CLUH: variants seen among roughly 807,000 people sequenced by gnomAD.
CLUH encodes CLUH binding protein of NUMT mRNA, also known as clustered mitochondria protein homolog.
CLUH carries 77 observed loss-of-function variants against 139.3 expected under a neutral mutation model. That is an observed-to-expected ratio of 0.55 (90% confidence interval 0.46 to 0.67). The LOEUF (loss-of-function observed/expected upper bound fraction) is 0.67, where lower values mean the gene tolerates loss of function less well. CLUH is among the 30% of genes least tolerant of loss of function. The probability of loss-of-function intolerance (pLI) is 0.00; values close to 1 mark genes in which losing one functional copy is unlikely to be tolerated. For synonymous variants in CLUH, 999 were observed against 801.6 expected (o/e 1.25, Z -4.16); for missense variants, 1,876 against 1,875.8 (o/e 1.00, Z 0.00).
At chr17:2,710,850 G>A (rs1175924021) in intron 1 of CLUH, among the ~76,000 whole-genome samples, 6 of 152,366 alleles carry the variant, frequency 3.9e-5, no homozygotes, top group Admixed American at 3.3e-4. Flanking sequence ...CAATAAGGCA[G>A]GTTAATGATC....
chr17:2,695,294 G>A lies in CLUH; in HGVS notation c.2545-14C>T. 2 of 1,613,814 alleles carry A rather than the reference G, an allele frequency of 1.2e-6. No individual in the cohort carries two copies. Among genetic ancestry groups the A allele is most frequent in the South Asian group, 2.2e-5 (2 of 91,084 alleles). On this transcript the variant is annotated splice_polypyrimidine_tract_variant and intron_variant, in intron 14 of 25. Coordinates refer to ENST00000651024, the MANE Select transcript of CLUH (RefSeq NM_001366661.1). ...AATGCCGATTTTCTGGAAGGATTCA[G>A]AAGGGAGGTCTTGGTCAGGCCCCCG...
At chr17:2,691,920 GGCCCCCCCGTGCCCCCGCGGCCCC>G (rs1381683119) in intron 23 of CLUH, 25 bp from the exon 24 acceptor site, 7 of 1,374,410 alleles carry the variant, frequency 5.1e-6, no homozygotes, top group South Asian at 2.7e-5. Flanking sequence ...GAAGGGATCA[GGCCCCCCCGTGCCCCCGCGGCCCC>G]GCCCCCGCCC....
At position 2,697,974 on chromosome 17, in the gene CLUH, C is replaced by T. The variant is rs745452744; in HGVS notation, c.1883G>A (p.Arg628His). ...PGEELPEECA[R>H]AGFPRAHRHK... Reference sequence around the variant, plus strand: ...CCGGTGGGCGCGGGGGAAGCCGGCGCGGGCGCATTCCTCAGGCAGCTCCTC... The same window carrying T: ...CCGGTGGGCGCGGGGGAAGCCGGCGTGGGCGCATTCCTCAGGCAGCTCCTC... Residue 628 changes from arginine to histidine, a missense_variant, in exon 10 of 26, where the codon CGC becomes CAC. Physicochemically the swap from Arg to His is conservative, Grantham distance 29 (BLOSUM62 0). This residue lies in a region of CLUH where 1,454 missense variants were observed against 1,384.4 expected (regional missense o/e 1.05). Coordinates refer to ENST00000651024, the MANE Select transcript of CLUH (RefSeq NM_001366661.1). The T allele has an allele frequency of 9.5e-6, 15 of 1,580,260 alleles. No homozygotes were observed. The highest frequency in any genetic ancestry group is 1.1e-5 in the South Asian group (1 of 87,406).
intron 3 of CLUH, among the ~76,000 whole-genome samples, chr17:2,702,981 C>T (rs534092231): frequency 6.6e-6 from 1 of 152,306 alleles, no homozygotes; most frequent in East Asian, 1.9e-4. Flanking sequence ...CCTGCCACCA[C>T]GCGCAGCTAA....
intron 8 of CLUH, 62 bp from the exon 9 acceptor site, chr17:2,700,536 A>G (rs1329945683): frequency 2.6e-6 from 4 of 1,568,156 alleles, no homozygotes; most frequent in Non-Finnish European, 3.5e-6. Context: ...TGCTCCCGGA[A>G]GTCGCTCCTT....
In CLUH at chr17:2,696,512, G is replaced by A. The variant is rs763203980; in HGVS notation, c.2212C>T (p.Arg738Cys). Reference sequence around the variant, plus strand: ...GAGCCGACCGCCTTGCACGCGTTGCGGATCACCTCCCGGCTCCGAGGGTCT... The same window carrying A: ...GAGCCGACCGCCTTGCACGCGTTGCAGATCACCTCCCGGCTCCGAGGGTCT... ...TADPRSREVI[R>C]NACKAVGSIS... Residue 738 changes from arginine to cysteine, a missense_variant, in exon 12 of 26, where the codon CGC becomes TGC. Arg to Cys is a radical substitution (Grantham distance 180). Transcript: ENST00000651024. 3.7e-5 allele frequency: 58 copies of A among 1,583,922 alleles called. No homozygotes were observed. Among genetic ancestry groups the A allele is most frequent in the Admixed American group, 1.2e-4 (7 of 56,078 alleles).
rs754386008 is a variant in CLUH at position 2,691,929 on chromosome 17, GTGC to G, written c.3655-37_3655-35del. On this transcript the variant is annotated intron_variant, in intron 23 of 25. Coordinates refer to ENST00000651024, the MANE Select transcript of CLUH (RefSeq NM_001366661.1). Reference sequence around the variant, plus strand: ...AGGCGGGAAGGGATCAGGCCCCCCCGTGCCCCCGCGGCCCCGCCCCCGCCCCGC... The same window carrying G: ...AGGCGGGAAGGGATCAGGCCCCCCCGCCCCGCGGCCCCGCCCCCGCCCCGC... The G allele has an allele frequency of 4.9e-4, 540 of 1,104,170 alleles. 18 individuals are homozygous for G. In the South Asian group the frequency reaches 0.011, roughly 22 times the overall value. 68.4% of individuals were successfully genotyped at this position (1,104,170 alleles called of 1,614,324 possible). A position where few individuals can be genotyped will look rare whatever the true frequency, so the allele number is the denominator to read the frequency against.
At chr17:2,705,576 G>T (rs528221357) in intron 1 of CLUH, among the ~76,000 whole-genome samples, 29 of 152,192 alleles carry the variant, frequency 1.9e-4, no homozygotes, top group African/African-American at 6.7e-4. Flanking sequence ...CAAGGCCTAG[G>T]AGAAATAAAC....
Position 2,694,186 on chromosome 17 carries a change from C to T in CLUH, c.3028G>A (p.Val1010Ile), listed in dbSNP as rs772775426. The T allele has an allele frequency of 1.1e-5, 17 of 1,613,038 alleles. No homozygotes were observed. The highest frequency in any genetic ancestry group is 2.7e-5 in the African/African-American group (2 of 74,928). ...AAGGCATCCGAGGCCTTGGGGTTGA[C>T]GTGCTTGACCACGGGGAAGATGTTG... Reference protein sequence around the residue: ...VLNIFPVVKHVNPKASDAFHF... With the variant: ...VLNIFPVVKHINPKASDAFHF... Residue 1010 changes from valine to isoleucine, a missense_variant, in exon 18 of 26, where the codon GTC becomes ATC. This residue lies in a region of CLUH where 1,454 missense variants were observed against 1,384.4 expected (regional missense o/e 1.05). Coordinates refer to ENST00000651024, the MANE Select transcript of CLUH (RefSeq NM_001366661.1).
rs895833832 is a variant in CLUH at position 2,698,530 on chromosome 17, C to G, written c.1327G>C (p.Val443Leu). ...RGAMAVIDGN[V>L]MAINPSEETK... ...TCCTCGCTGGGGTTGATGGCCATCA[C>G]GTTGCCGTCAATGACGGCCATGGCG... Residue 443 changes from valine (V) to leucine (L), a missense_variant, in exon 10 of 26, where the codon GTG becomes CTG. Physicochemically the swap from Val to Leu is conservative, Grantham distance 32. Coordinates refer to ENST00000651024, the MANE Select transcript of CLUH (RefSeq NM_001366661.1). 7.4e-6 allele frequency: 12 copies of G among 1,612,396 alleles called. No homozygotes were observed. The highest frequency in any genetic ancestry group is 9.3e-6 in the Non-Finnish European group (11 of 1,179,408).
At chr17:2,700,305 T>G in intron 9 of CLUH, 77 bp downstream of exon 9, 2 of 1,398,588 alleles carry the variant, frequency 1.4e-6, no homozygotes, top group Non-Finnish European at 2.0e-6. Context: ...TCCCTTGCTT[T>G]CCTCCTCTCC....
At chr17:2,702,078 G>T (rs746531357) in intron 3 of CLUH, 21 bp from the exon 4 acceptor site, 9 of 1,610,806 alleles carry the variant, frequency 5.6e-6, no homozygotes, top group African/African-American at 1.3e-5. Flanking sequence ...GGCAGGGAGG[G>T]TATGGCGTTA....
At chr17:2,709,006 G>A (rs1269688990) in intron 1 of CLUH, among the ~76,000 whole-genome samples, 5 of 152,212 alleles carry the variant, frequency 3.3e-5, no homozygotes, top group African/African-American at 4.8e-5. Context: ...TCTGCAGAGC[G>A]GGAGAGCCGT....
At position 2,700,445 on chromosome 17, in the gene CLUH, C is replaced by A. The variant is rs200696518; in HGVS notation, c.1203G>T (p.Thr401=). The A allele has an allele frequency of 1.1e-5, 17 of 1,613,066 alleles. No individual in the cohort carries two copies. The highest frequency in any genetic ancestry group is 1.4e-5 in the Non-Finnish European group (17 of 1,179,752). Residue 401 remains threonine, a synonymous_variant, in exon 9 of 26, where the codon ACG becomes ACT. Coordinates refer to ENST00000651024, the MANE Select transcript of CLUH (RefSeq NM_001366661.1). ...GGTTCTTGCGAGGCAGCTCCCTCGT[C>A]GTCTGCAGCTCCTCATTCCAGTCTC... is the stretch of plus-strand genomic sequence containing the variant. ...QTRDWNEELQ[T]TRELPRKNLP...
intron 10 of CLUH, 24 bp downstream of exon 10, chr17:2,697,872 T>TG (rs1169526574): frequency 1.4e-6 from 2 of 1,454,768 alleles, no homozygotes; most frequent in Non-Finnish European, 1.8e-6. Context: ...GCCCCGGCCC[T>TG]GGTCCGGCAG....
At chr17:2,700,013 TAA>T (rs1359759738) in intron 9 of CLUH, among the ~76,000 whole-genome samples, 1 of 152,138 alleles carries the variant, frequency 6.6e-6, no homozygotes, top group Admixed American at 6.5e-5. Context: ...CCCAGCAAAC[TAA>T]AAGTGTTATG....
rs746590797 is a variant in CLUH at position 2,696,147 on chromosome 17, C to A, written c.2391+12G>T. 6.4e-7 allele frequency: 1 copy of A among 1,550,956 alleles called. No individual in the cohort carries two copies. Among genetic ancestry groups the A allele is most frequent in the East Asian group, 2.4e-5 (1 of 41,152 alleles). On this transcript the variant is annotated intron_variant, in intron 13 of 25. Coordinates refer to ENST00000651024, the MANE Select transcript of CLUH (RefSeq NM_001366661.1). Reference sequence around the variant, plus strand: ...ACACAAGCCCCACCCAGCCCCGCAGCCCCTCCCTCACCAAGCCAGGGATCT... The same window carrying A: ...ACACAAGCCCCACCCAGCCCCGCAGACCCTCCCTCACCAAGCCAGGGATCT...
rs975379985 is a variant in CLUH, at chr17:2,707,377, T to C, written c.101-2813A>G. On this transcript the variant is annotated intron_variant, in intron 1 of 25. Coordinates refer to ENST00000651024, the MANE Select transcript of CLUH (RefSeq NM_001366661.1). This position sits in a 1 kb window ranked among gnomAD's most constrained non-coding sequence, Gnocchi z 7.4. ...GGTTTCAGTGGGGCCAGGCCTGCCA[T>C]GGCAGCCCCAGGAAGGGCACACTCC... is the stretch of plus-strand genomic sequence containing the variant. The C allele has an allele frequency of 5.1e-6, 5 of 985,186 alleles. No individual in the cohort carries two copies. Among genetic ancestry groups the C allele is most frequent in the Non-Finnish European group, 6.0e-6 (5 of 829,842 alleles). The allele number at this position is 985,186 out of a possible 1,614,324, so 61.0% of individuals were successfully genotyped here.
chr17:2,697,719 C>T (rs1321311799), intron 10 of CLUH, among the ~76,000 whole-genome samples, 177 bp downstream of exon 10: 2 of 152,196 alleles, frequency 1.3e-5, no homozygotes, highest in Non-Finnish European at 2.9e-5. Flanking sequence ...CGGGTTTCTG[C>T]GCTCGGGAGC....
Sources: allele counts gnomAD v4.1 joint callset (sites outside exome capture counted in the v4.1 genomes callset), GRCh38; gene constraint gnomAD v4.1.1; regional missense constraint gnomAD v4.1.1; non-coding constraint Gnocchi (gnomAD v3.1); transcripts MANE v1.5; gene names NCBI Gene and HGNC (gene_info 2026-07-23, HGNC 2026-07-21).